Variants in NKAIN2 observed in about 807,000 individuals in gnomAD.
NKAIN2 encodes the protein sodium/potassium-transporting ATPase subunit beta-1-interacting protein 2.
A neutral mutation model predicts 32.6 loss-of-function variants in NKAIN2; 14 were observed. That is an observed-to-expected ratio of 0.43 (90% confidence interval 0.28 to 0.67). The LOEUF (loss-of-function observed/expected upper bound fraction) is 0.67, where lower values mean the gene tolerates loss of function less well. NKAIN2 is among the 30% of genes least tolerant of loss of function. The pLI, the probability that NKAIN2 is intolerant of heterozygous loss-of-function variation, is 0.17. For missense variants in NKAIN2, 198 were observed against 258.3 expected, an observed-to-expected ratio of 0.77 and a Z score of 1.60; for synonymous variants, 80 against 87.2, an observed-to-expected ratio of 0.92 and a Z score of 0.46.
intron 2 of NKAIN2, among the ~76,000 whole-genome samples, chr6:124,322,767 A>G (rs1797250213): frequency 2.0e-5 from 3 of 152,182 alleles, no homozygotes; most frequent in Non-Finnish European, 4.4e-5. Flanking sequence ...TTTCTCAGGA[A>G]TAAAGACTCA....
intron 1 of NKAIN2, among the ~76,000 whole-genome samples, chr6:124,145,999 A>G (rs1787379606): frequency 6.6e-6 from 1 of 152,246 alleles, no homozygotes; most frequent in Non-Finnish European, 1.5e-5. Context: ...ATACACATAA[A>G]TGAATTCAAG....
chr6:124,558,600 C>G (rs1475711969), intron 3 of NKAIN2, among the ~76,000 whole-genome samples: 1 of 151,926 alleles, frequency 6.6e-6, no homozygotes, highest in Admixed American at 6.6e-5. Flanking sequence ...TTCAAGATGC[C>G]CTAAGAGTTG....
At chr6:124,186,140 A>G (rs1277576799) in intron 1 of NKAIN2, among the ~76,000 whole-genome samples, 7 of 135,082 alleles carry the variant, frequency 5.2e-5, no homozygotes, top group African/African-American at 1.9e-4. Context: ...AAAAGAAAAG[A>G]AAGGAAGGAA....
At chr6:123,942,861 T>G (rs1237395043) in intron 1 of NKAIN2, among the ~76,000 whole-genome samples, 1 of 152,060 alleles carries the variant, frequency 6.6e-6, no homozygotes, top group Admixed American at 6.6e-5. Context: ...TAAGATTGCA[T>G]TGTAACCACA....
Position 123,993,591 on chromosome 6 carries a change from C to T in NKAIN2, c.54+189337C>T, listed in dbSNP as rs530977274. 2.0e-4 allele frequency among the ~76,000 whole-genome samples: 30 copies of T among 152,140 alleles called. 1 individual carries two copies. The South Asian group carries it at 5.0e-3, about 25-fold the overall frequency. On this transcript the variant is annotated intron_variant, in intron 1 of 6. Coordinates refer to ENST00000368417, the MANE Select transcript of NKAIN2 (RefSeq NM_001040214.3). ...CTCTGGCTGTGTACAGTATCAATACCGTGGAATCAGTGAGAGCCCAATAGT... is the reference window on the plus strand; with the variant it reads ...CTCTGGCTGTGTACAGTATCAATACTGTGGAATCAGTGAGAGCCCAATAGT...
At chr6:124,342,711 A>C (rs924173609) in intron 2 of NKAIN2, among the ~76,000 whole-genome samples, 5 of 151,602 alleles carry the variant, frequency 3.3e-5, no homozygotes, top group Non-Finnish European at 7.4e-5. Context: ...GTTTCATCCT[A>C]TTCTAGGCTG....
chr6:123,817,628 C>T (rs1773748680), intron 1 of NKAIN2, among the ~76,000 whole-genome samples: 1 of 152,138 alleles, frequency 6.6e-6, no homozygotes, highest in African/African-American at 2.4e-5. Context: ...AGCGCCCCTT[C>T]CTCCATCCCT....
chr6:124,739,396 T>G (rs1264326425), intron 4 of NKAIN2, among the ~76,000 whole-genome samples: 1 of 151,956 alleles, frequency 6.6e-6, no homozygotes, highest in Non-Finnish European at 1.5e-5. Flanking sequence ...TTATTCTGTG[T>G]GTGTGTGTGT....
intron 3 of NKAIN2, among the ~76,000 whole-genome samples, chr6:124,462,893 T>G (rs1776589020): frequency 6.6e-6 from 1 of 152,004 alleles, no homozygotes; most frequent in African/African-American, 2.4e-5. Context: ...CTAATAGCAG[T>G]AAAGTGAATC....
chr6:124,312,947 C>A (rs114786382), intron 2 of NKAIN2, among the ~76,000 whole-genome samples: 2 of 151,934 alleles, frequency 1.3e-5, no homozygotes, highest in Non-Finnish European at 2.9e-5. Flanking sequence ...TGGGCAGGTG[C>A]AAGGAGGATG....
intron 1 of NKAIN2, among the ~76,000 whole-genome samples, chr6:123,912,178 G>A (rs965209288): frequency 1.3e-5 from 2 of 151,832 alleles, no homozygotes; most frequent in African/African-American, 4.8e-5. Flanking sequence ...TGAATCATGT[G>A]AGTCATCTTT....
chr6:124,648,478 T>C (rs1384858809), intron 3 of NKAIN2, among the ~76,000 whole-genome samples: 1 of 152,204 alleles, frequency 6.6e-6, no homozygotes, highest in African/African-American at 2.4e-5. Context: ...AGAAATCTCT[T>C]TAAAGTTTAG....
chr6:124,538,945 T>C (rs952188172), intron 3 of NKAIN2, among the ~76,000 whole-genome samples: 6 of 152,166 alleles, frequency 3.9e-5, no homozygotes, highest in Non-Finnish European at 5.9e-5. Context: ...GTAAACTTGC[T>C]CTTTTTTAAT....
intron 1 of NKAIN2, among the ~76,000 whole-genome samples, chr6:124,168,267 A>AATGC (rs1205488838): frequency 1.3e-5 from 2 of 152,156 alleles, no homozygotes; most frequent in African/African-American, 4.8e-5. Context: ...AATCACCTGA[A>AATGC]ATGCATCTGA....
intron 4 of NKAIN2, among the ~76,000 whole-genome samples, chr6:124,718,142 A>G (rs1250722560): frequency 1.3e-5 from 2 of 152,168 alleles, no homozygotes; most frequent in South Asian, 2.1e-4. Flanking sequence ...TTTTTTTAGT[A>G]TAATCACAAT....
intron 3 of NKAIN2, among the ~76,000 whole-genome samples, chr6:124,499,884 T>C (rs1350406485): frequency 1.3e-5 from 2 of 152,210 alleles, no homozygotes; most frequent in Non-Finnish European, 2.9e-5. Context: ...GAAAAAAGTA[T>C]GCAAATAGAA....
chr6:124,165,117 T>C (rs1201518931), intron 1 of NKAIN2, among the ~76,000 whole-genome samples: 1 of 152,142 alleles, frequency 6.6e-6, no homozygotes, highest in Non-Finnish European at 1.5e-5. Context: ...AAGAATACTT[T>C]AGTGGTAATC....
At chr6:124,661,021 T>C (rs1249948829) in intron 4 of NKAIN2, among the ~76,000 whole-genome samples, 1 of 152,170 alleles carries the variant, frequency 6.6e-6, no homozygotes, top group East Asian at 1.9e-4. Flanking sequence ...AAATGTTCCA[T>C]TAAATCAGTC....
At chr6:123,856,309 C>T (rs565381285) in intron 1 of NKAIN2, among the ~76,000 whole-genome samples, 4 of 152,140 alleles carry the variant, frequency 2.6e-5, no homozygotes, top group East Asian at 3.9e-4. Flanking sequence ...GAAACTGTCT[C>T]GGAATATAGA....
Sources: gnomAD v4.1 joint callset for allele counts (sites outside exome capture counted in the v4.1 genomes callset) on GRCh38, gnomAD v4.1.1 for gene constraint, MANE v1.5 for transcripts, NCBI Gene and HGNC (gene_info 2026-07-23, HGNC 2026-07-21) for gene names.